Variants in MYO3A observed in about 807,000 individuals in gnomAD.
MYO3A encodes the protein myosin IIIA, also known as myosin-IIIa.
MYO3A carries 180 observed loss-of-function variants against 192.7 expected under a neutral mutation model. The ratio of observed to expected loss-of-function variants is 0.93; its 90% confidence interval spans 0.83 to 1.06. The LOEUF (loss-of-function observed/expected upper bound fraction) is 1.06. Ranked by LOEUF, MYO3A falls within the 50% of genes least tolerant of loss-of-function variation. MYO3A has a pLI of 0.00. For missense variants in MYO3A, 1,896 were observed against 1,905.0 expected, an observed-to-expected ratio of 1.00 and a Z score of 0.09; for synonymous variants, 628 against 645.3, an observed-to-expected ratio of 0.97 and a Z score of 0.41.
intron 26 of MYO3A, among the ~76,000 whole-genome samples, chr10:26,165,291 A>G (rs116720078): frequency 0.012 from 1,869 of 152,176 alleles, 51 homozygotes; most frequent in African/African-American, 0.043. Flanking sequence ...AACCTACCAA[A>G]ATTTGCTGCT....
chr10:26,116,018 C>G (rs1020399925), intron 17 of MYO3A, among the ~76,000 whole-genome samples: 7 of 152,096 alleles, frequency 4.6e-5, no homozygotes, highest in Non-Finnish European at 8.8e-5. Context: ...CTGTGTCTCA[C>G]ATATTAACAG....
rs73610377 is a variant in MYO3A, at chr10:25,966,042, C to T, written c.303+11034C>T. 7.8e-3 allele frequency among the ~76,000 whole-genome samples: 1,180 copies of T among 151,410 alleles called. 14 individuals are homozygous for T. Among genetic ancestry groups the T allele is most frequent in the African/African-American group, 0.025 (1,023 of 41,192 alleles). ...ATACTATGGGTGCTCACCAGATTTT[C>T]GGTTCTTAAGAAGGTGTTTTTTTCT... On this transcript the variant is annotated intron_variant, in intron 4 of 34. Transcript: ENST00000642920.
chr10:26,113,395 G>A (rs772860943), intron 17 of MYO3A, among the ~76,000 whole-genome samples: 12 of 151,848 alleles, frequency 7.9e-5, no homozygotes, highest in African/African-American at 2.4e-4. Context: ...GCTTGAACGC[G>A]GGAGGTGGAG....
intron 31 of MYO3A, among the ~76,000 whole-genome samples, chr10:26,188,084 T>C (rs1204764204): frequency 6.6e-6 from 1 of 152,204 alleles, no homozygotes; most frequent in Non-Finnish European, 1.5e-5. Flanking sequence ...TCCACAATGG[T>C]TGAACTAGTT....
chr10:26,058,949 A>G (rs1834297370), intron 10 of MYO3A, among the ~76,000 whole-genome samples: 1 of 152,128 alleles, frequency 6.6e-6, no homozygotes, highest in Non-Finnish European at 1.5e-5. Flanking sequence ...GGGGGTGCAA[A>G]TGTAAGTGGT....
chr10:25,984,259 A>G (rs570325842), intron 4 of MYO3A, among the ~76,000 whole-genome samples: 4 of 152,250 alleles, frequency 2.6e-5, no homozygotes, highest in Admixed American at 6.5e-5. Flanking sequence ...AGTACCTCAC[A>G]TCTCAATACT....
At chr10:26,011,630 T>C (rs1406899026) in intron 6 of MYO3A, among the ~76,000 whole-genome samples, 2 of 152,016 alleles carry the variant, frequency 1.3e-5, no homozygotes, top group Non-Finnish European at 2.9e-5. Flanking sequence ...ATTTAAAAAC[T>C]GTCAACAAAA....
chr10:26,007,834 T>A (rs1451190595), intron 6 of MYO3A, among the ~76,000 whole-genome samples: 1 of 151,288 alleles, frequency 6.6e-6, no homozygotes, highest in African/African-American at 2.5e-5. Flanking sequence ...TTCATTGCCA[T>A]CCCCATCAAG....
intron 4 of MYO3A, among the ~76,000 whole-genome samples, chr10:25,986,585 A>G (rs1839667986): frequency 6.6e-6 from 1 of 152,170 alleles, no homozygotes; most frequent in Non-Finnish European, 1.5e-5. Flanking sequence ...GAATCAAATC[A>G]AGAACTCAAA....
At chr10:26,147,662 G>A (rs1415424043) in intron 23 of MYO3A, 103 bp downstream of exon 23, 1 of 1,527,050 alleles carries the variant, frequency 6.5e-7, no homozygotes, top group East Asian at 2.3e-5. Context: ...ATGTGAGTTT[G>A]TTTTCGGCTC....
chr10:26,190,478 G>A (rs983387766), intron 31 of MYO3A, among the ~76,000 whole-genome samples: 1 of 152,168 alleles, frequency 6.6e-6, no homozygotes, highest in Admixed American at 6.5e-5. Flanking sequence ...TATGGGATGG[G>A]AGGGTCAAAC....
At chr10:26,018,054 GTTTA>G (rs1259767090) in intron 7 of MYO3A, among the ~76,000 whole-genome samples, 3 of 150,742 alleles carry the variant, frequency 2.0e-5, no homozygotes, top group East Asian at 1.9e-4. Flanking sequence ...GGTTTTGTAT[GTTTA>G]TTTATTATAA....
At chr10:26,070,580 T>C (rs138084657) in intron 14 of MYO3A, among the ~76,000 whole-genome samples, 179 bp downstream of exon 14, 1 of 152,090 alleles carries the variant, frequency 6.6e-6, no homozygotes, top group Admixed American at 6.5e-5. Flanking sequence ...GCATGTACTC[T>C]GTTTTGAGGA....
chr10:25,988,737 G>C (rs1034248556), intron 4 of MYO3A, among the ~76,000 whole-genome samples: 2 of 151,550 alleles, frequency 1.3e-5, no homozygotes, highest in Non-Finnish European at 2.9e-5. Context: ...AGAATACTCA[G>C]CATTAAAAAA....
intron 10 of MYO3A, among the ~76,000 whole-genome samples, chr10:26,049,520 A>G (rs1036733086): frequency 1.3e-5 from 2 of 152,136 alleles, no homozygotes; most frequent in African/African-American, 4.8e-5. Context: ...GATACATATG[A>G]GAGGGGATCA....
intron 2 of MYO3A, among the ~76,000 whole-genome samples, chr10:25,943,563 T>C (rs1401160208): frequency 6.6e-6 from 1 of 152,150 alleles, no homozygotes; most frequent in African/African-American, 2.4e-5. Context: ...CAGCAATGTT[T>C]GTACTTTTCA....
In MYO3A at chr10:26,176,900, T is replaced by C. The variant is rs1037963318; in HGVS notation, c.4438+55T>C. The C allele has an allele frequency of 1.4e-5, 22 of 1,581,260 alleles. No homozygotes were observed. The Admixed American group carries it at 3.3e-4, about 24-fold the overall frequency. ...AATGGGAAGGAAATGCCAGATACTTTGTTTATTAGTTTCCCACCATTATTC... is the reference window on the plus strand; with the variant it reads ...AATGGGAAGGAAATGCCAGATACTTCGTTTATTAGTTTCCCACCATTATTC... On this transcript the variant is annotated intron_variant, in intron 31 of 34. Transcript: ENST00000642920.
In MYO3A at chr10:26,173,798, T is replaced by C. The variant is rs1358833825; in HGVS notation, c.3534T>C (p.Ala1178=). Residue 1178 remains alanine (A), a synonymous_variant, in exon 30 of 35, where the codon GCT becomes GCC. Transcript: ENST00000642920. ...AACCTGAAGAGGAAACCACCAATGC[T>C]GTGGAGAGTAACAACAGAGTGTATC... ...TFKPEEETTN[A]VESNNRVYQT... 12 of 1,614,136 alleles carry C rather than the reference T, an allele frequency of 7.4e-6. No homozygotes were observed. Among genetic ancestry groups the C allele is most frequent in the Non-Finnish European group, 1.0e-5 (12 of 1,180,028 alleles).
rs774007389 is a variant in MYO3A, at chr10:25,954,958, T to A, written c.253T>A (p.Tyr85Asn). 1.9e-6 allele frequency: 3 copies of A among 1,613,060 alleles called. No individual in the cohort carries two copies. Among genetic ancestry groups the A allele is most frequent in the Non-Finnish European group, 2.5e-6 (3 of 1,179,246 alleles). The change falls in exon 4 of 35, where the codon TAC becomes AAC. Residue 85 changes from tyrosine to asparagine, a missense_variant. Transcript: ENST00000642920. ...HPNVVRFYGIYFKKDKVNGDK... is the reference protein window; with the variant it reads ...HPNVVRFYGINFKKDKVNGDK... ...TAATGTGGTCAGATTCTATGGGATA[T>A]ACTTTAAGAAGGATAAAGTAAATGG...
Sources: allele counts gnomAD v4.1 joint callset (sites outside exome capture counted in the v4.1 genomes callset), GRCh38; gene constraint gnomAD v4.1.1; transcripts MANE v1.5; gene names NCBI Gene and HGNC (gene_info 2026-07-23, HGNC 2026-07-21).